NPAS3: variants seen among roughly 807,000 people sequenced by gnomAD.
NPAS3 encodes neuronal PAS domain protein 3, also known as neuronal PAS domain-containing protein 3.
In NPAS3, 14 loss-of-function variants were observed where a neutral mutation model predicts 73.1. That is an observed-to-expected ratio of 0.19 (90% CI 0.13 to 0.30). The LOEUF is 0.30. Among genes scored for constraint, NPAS3 ranks in the 10% least tolerant of loss-of-function variants. NPAS3 has a pLI of 1.00. For synonymous variants in NPAS3, 620 were observed against 541.5 expected, an observed-to-expected ratio of 1.14 and a Z score of -2.01; for missense variants, 1,096 against 1,250.0, an observed-to-expected ratio of 0.88 and a Z score of 1.86.
intron 5 of NPAS3, among the ~76,000 whole-genome samples, chr14:33,644,252 CTT>C (rs1345609199): frequency 1.3e-5 from 2 of 152,206 alleles, no homozygotes; most frequent in African/African-American, 4.8e-5. Context: ...AATCTCATAA[CTT>C]TTGGCAAACG....
At chr14:33,491,381 G>A (rs1211910349) in intron 4 of NPAS3, among the ~76,000 whole-genome samples, 3 of 152,162 alleles carry the variant, frequency 2.0e-5, no homozygotes, top group Non-Finnish European at 1.5e-5. Flanking sequence ...CTGGTCCTGC[G>A]TGGGTCAAGA....
intron 1 of NPAS3, among the ~76,000 whole-genome samples, chr14:33,009,593 G>T (rs1182183768): frequency 6.6e-6 from 1 of 152,144 alleles, no homozygotes; most frequent in African/African-American, 2.4e-5. Flanking sequence ...CATAAATAGT[G>T]GTAGTAGTAA....
At chr14:33,450,059 G>C (rs1289314616) in intron 4 of NPAS3, among the ~76,000 whole-genome samples, 1 of 152,200 alleles carries the variant, frequency 6.6e-6, no homozygotes, top group African/African-American at 2.4e-5. Context: ...TCGGCAGTAT[G>C]TAAAGTGTTG....
intron 4 of NPAS3, among the ~76,000 whole-genome samples, chr14:33,524,545 T>C (rs539726783): frequency 6.6e-6 from 1 of 152,308 alleles, no homozygotes; most frequent in Admixed American, 6.5e-5. Context: ...TACATGATCT[T>C]AAAGCTTATG....
chr14:33,307,613 T>TGTGTGTA (rs763634896), intron 3 of NPAS3, among the ~76,000 whole-genome samples: 12,970 of 44,150 alleles, frequency 0.29, 1,164 homozygotes, highest in Admixed American at 0.45. Context: ...GTGTGTGTGT[T>TGTGTGTA]CGTGTGCGTG....
At position 33,278,028 on chromosome 14, in the gene NPAS3, C is replaced by T. The variant is rs74042021; in HGVS notation, c.385+62602C>T. On this transcript the variant is annotated intron_variant, in intron 3 of 11. Transcript: ENST00000356141. ...GTACACTAAGGTATGGTGAAGGGGG[C>T]GAGAAGGAATGAAATTCAGGTTATA... 3.8e-3 allele frequency among the ~76,000 whole-genome samples: 581 copies of T among 151,590 alleles called. 3 individuals are homozygous for T. The highest frequency in any genetic ancestry group is 0.013 in the African/African-American group (545 of 41,154).
intron 4 of NPAS3, among the ~76,000 whole-genome samples, chr14:33,475,546 A>G (rs141037510): frequency 8.8e-4 from 110 of 125,358 alleles, no homozygotes; most frequent in African/African-American, 3.6e-3. Context: ...AAGAACTAAG[A>G]TCTAAAAAAA....
chr14:33,219,601 C>A (rs79562772), intron 3 of NPAS3, among the ~76,000 whole-genome samples: 1,551 of 152,252 alleles, frequency 0.01, 21 homozygotes, highest in African/African-American at 0.035. Flanking sequence ...TTCACTATTT[C>A]GGGCATCTAT....
chr14:33,494,882 G>A (rs2052092204), intron 4 of NPAS3, among the ~76,000 whole-genome samples: 1 of 152,030 alleles, frequency 6.6e-6, no homozygotes, highest in Non-Finnish European at 1.5e-5. Flanking sequence ...GTTTAAGGAA[G>A]GCGCCTAATA....
chr14:33,112,422 G>A (rs1157666849), intron 2 of NPAS3, among the ~76,000 whole-genome samples: 1 of 152,186 alleles, frequency 6.6e-6, no homozygotes, highest in Non-Finnish European at 1.5e-5. Context: ...GATGGCCAGT[G>A]ATGATGAGCA....
intron 4 of NPAS3, among the ~76,000 whole-genome samples, chr14:33,514,001 A>G (rs1042243073): frequency 4.6e-5 from 7 of 152,020 alleles, no homozygotes; most frequent in South Asian, 4.1e-4. Context: ...TCTTCCTCCT[A>G]ATATATTCAT....
At chr14:33,408,651 T>C (rs1008890332) in intron 4 of NPAS3, among the ~76,000 whole-genome samples, 3 of 152,210 alleles carry the variant, frequency 2.0e-5, no homozygotes, top group African/African-American at 7.2e-5. Context: ...CTTATTACTG[T>C]TAATAGCAGC....
intron 2 of NPAS3, among the ~76,000 whole-genome samples, chr14:33,189,180 C>T (rs2046082196): frequency 6.6e-6 from 1 of 152,180 alleles, no homozygotes; most frequent in Non-Finnish European, 1.5e-5. Context: ...TGGCTTCTCC[C>T]TTTTGGACCC....
chr14:32,936,320 A>T (rs372394116), upstream of NPAS3, among the ~76,000 whole-genome samples: 10 of 148,634 alleles, frequency 6.7e-5, no homozygotes, highest in East Asian at 2.0e-4. Flanking sequence ...TTTTTTTTTT[A>T]AAGAGTTTGG....
At chr14:33,409,313 G>T (rs1299516797) in intron 4 of NPAS3, among the ~76,000 whole-genome samples, 1 of 152,056 alleles carries the variant, frequency 6.6e-6, no homozygotes, top group African/African-American at 2.4e-5. Flanking sequence ...TATCACAAAA[G>T]AATAATTCCT....
chr14:33,498,225 T>A (rs970404338), intron 4 of NPAS3, among the ~76,000 whole-genome samples: 1 of 152,016 alleles, frequency 6.6e-6, no homozygotes, highest in Non-Finnish European at 1.5e-5. Context: ...GAAATAGGAA[T>A]GCTTTTACAC....
At chr14:33,218,538 T>C (rs1216243038) in intron 3 of NPAS3, among the ~76,000 whole-genome samples, 3 of 152,182 alleles carry the variant, frequency 2.0e-5, no homozygotes, top group Non-Finnish European at 4.4e-5. Context: ...TAAACAAGCT[T>C]ATATAAATAG....
At chr14:32,984,187 C>T (rs1229642828) in intron 1 of NPAS3, among the ~76,000 whole-genome samples, 1 of 152,194 alleles carries the variant, frequency 6.6e-6, no homozygotes, top group Non-Finnish European at 1.5e-5. Context: ...CAACCCTGAC[C>T]TGTTATAGTG....
chr14:33,584,889 C>A (rs1042647863), intron 5 of NPAS3, among the ~76,000 whole-genome samples: 5 of 152,046 alleles, frequency 3.3e-5, no homozygotes, highest in African/African-American at 1.2e-4. Flanking sequence ...ATAAGGCGCA[C>A]CCTGAGGGTG....
Sources: gnomAD v4.1 joint callset for allele counts (sites outside exome capture counted in the v4.1 genomes callset) on GRCh38, gnomAD v4.1.1 for gene constraint, MANE v1.5 for transcripts, NCBI Gene and HGNC (gene_info 2026-07-23, HGNC 2026-07-21) for gene names.